Variants in LRMDA observed in about 807,000 individuals in gnomAD.
The protein encoded by LRMDA is leucine rich melanocyte differentiation associated.
Under a neutral mutation model 29.8 loss-of-function variants are expected in LRMDA, and 18 were observed. That is an observed-to-expected ratio of 0.60 (90% confidence interval 0.42 to 0.90). The LOEUF is 0.90. Ranked by LOEUF, LRMDA falls within the 40% of genes least tolerant of loss-of-function variation. The probability of loss-of-function intolerance (pLI) is 0.00; values close to 1 mark genes in which losing one functional copy is unlikely to be tolerated. For synonymous variants in LRMDA, 125 were observed against 109.4 expected (o/e 1.14, Z -0.89); for missense variants, 273 against 273.9 (o/e 1.00, Z 0.02).
intron 2 of LRMDA, among the ~76,000 whole-genome samples, chr10:75,988,661 C>T (rs150745261): frequency 1.2e-4 from 18 of 152,184 alleles, no homozygotes; most frequent in Non-Finnish European, 1.9e-4. Flanking sequence ...AGAGCAGCCA[C>T]GGAGTGCTCT....
chr10:76,165,919 C>A (rs1000639143), intron 5 of LRMDA, among the ~76,000 whole-genome samples: 1 of 152,154 alleles, frequency 6.6e-6, no homozygotes, highest in Non-Finnish European at 1.5e-5. Context: ...CAGTGGGTAT[C>A]GAGAGGCTAT....
chr10:75,569,474 G>A (rs1840411406), intron 2 of LRMDA, among the ~76,000 whole-genome samples: 1 of 152,150 alleles, frequency 6.6e-6, no homozygotes, highest in South Asian at 2.1e-4. Context: ...AAAAAATCAT[G>A]TTTCATTAAT....
intron 2 of LRMDA, among the ~76,000 whole-genome samples, chr10:75,613,010 C>T (rs1841051972): frequency 6.6e-6 from 1 of 152,106 alleles, no homozygotes. Context: ...TGTGGTTGAA[C>T]TTCTTCTTTA....
intron 2 of LRMDA, among the ~76,000 whole-genome samples, chr10:75,994,882 C>T (rs1847433610): frequency 1.3e-5 from 2 of 152,206 alleles, no homozygotes; most frequent in Admixed American, 1.3e-4. Context: ...CATAATTCTT[C>T]CTGCCACTCA....
intron 6 of LRMDA, among the ~76,000 whole-genome samples, chr10:76,375,721 GA>G (rs1365994275): frequency 2.0e-3 from 169 of 86,198 alleles, no homozygotes; most frequent in African/African-American, 6.1e-3. Context: ...GTTCCATGCT[GA>G]ATTTTTTTTT....
intron 2 of LRMDA, among the ~76,000 whole-genome samples, chr10:75,575,108 A>G (rs1013237088): frequency 2.0e-5 from 3 of 152,164 alleles, no homozygotes; most frequent in African/African-American, 7.2e-5. Flanking sequence ...ATCTCATGAG[A>G]ACTCACTATG....
At chr10:75,791,535 A>G (rs909310372) in intron 2 of LRMDA, among the ~76,000 whole-genome samples, 1 of 152,240 alleles carries the variant, frequency 6.6e-6, no homozygotes, top group African/African-American at 2.4e-5. Context: ...TAATTATGTG[A>G]GGGAGAAAAA....
intron 2 of LRMDA, among the ~76,000 whole-genome samples, chr10:75,537,676 T>C (rs1189247873): frequency 1.3e-5 from 2 of 152,196 alleles, no homozygotes; most frequent in African/African-American, 2.4e-5. Flanking sequence ...TTGGGTTGCT[T>C]GGGGGCCGGG....
At chr10:76,529,707 A>G (rs1011702592) in intron 6 of LRMDA, among the ~76,000 whole-genome samples, 1 of 152,174 alleles carries the variant, frequency 6.6e-6, no homozygotes, top group Non-Finnish European at 1.5e-5. Flanking sequence ...GGGCTCCTGA[A>G]TTCTACTCTG....
intron 5 of LRMDA, among the ~76,000 whole-genome samples, chr10:76,221,387 C>A (rs1174916736): frequency 6.6e-6 from 1 of 152,204 alleles, no homozygotes; most frequent in Non-Finnish European, 1.5e-5. Flanking sequence ...TGTCTCAGCC[C>A]AAAATCTACT....
chr10:76,234,539 A>G (rs1317645142), intron 5 of LRMDA, among the ~76,000 whole-genome samples: 1 of 152,202 alleles, frequency 6.6e-6, no homozygotes, highest in Admixed American at 6.5e-5. Flanking sequence ...CTAGCTATAA[A>G]AGCCCCAAAT....
chr10:75,937,112 C>A (rs1357238711), intron 2 of LRMDA, among the ~76,000 whole-genome samples: 2 of 152,088 alleles, frequency 1.3e-5, no homozygotes, highest in Non-Finnish European at 2.9e-5. Context: ...AAACCAGTTA[C>A]CAGTTCCAAG....
At position 75,988,825 on chromosome 10, in the gene LRMDA, G is replaced by C. The variant is rs137968374; in HGVS notation, c.132-47183G>C. ...GGCCCTGGCTCCCTCCATGCCAGTG[G>C]GTGCGGCCTGTCCTTGCAGCTCCTC... On this transcript the variant is annotated intron_variant, in intron 2 of 6. Coordinates refer to ENST00000611255, the MANE Select transcript of LRMDA (RefSeq NM_001305581.2). 2.0e-3 allele frequency among the ~76,000 whole-genome samples: 301 copies of C among 152,192 alleles called. 4 individuals are homozygous for C. In the East Asian group the frequency reaches 0.027, roughly 14 times the overall value.
chr10:75,480,871 G>T (rs1844848814), intron 2 of LRMDA, among the ~76,000 whole-genome samples: 2 of 152,156 alleles, frequency 1.3e-5, no homozygotes, highest in African/African-American at 4.8e-5. Flanking sequence ...TTTAGAGGTG[G>T]TTTTGATGGT....
intron 2 of LRMDA, among the ~76,000 whole-genome samples, chr10:75,455,538 G>A (rs1489606572): frequency 6.6e-6 from 1 of 152,210 alleles, no homozygotes; most frequent in Admixed American, 6.5e-5. Context: ...GGGGAACATA[G>A]CGACTCTGTC....
At chr10:76,003,848 T>G (rs1267730943) in intron 2 of LRMDA, among the ~76,000 whole-genome samples, 3 of 152,220 alleles carry the variant, frequency 2.0e-5, no homozygotes, top group Non-Finnish European at 2.9e-5. Context: ...AGAATACCTG[T>G]GCCTGCCAGT....
chr10:76,528,360 A>G (rs1452783481), intron 6 of LRMDA, among the ~76,000 whole-genome samples: 2 of 152,186 alleles, frequency 1.3e-5, no homozygotes, highest in Middle Eastern at 3.2e-3. Flanking sequence ...ATTTAATACG[A>G]TAGGCAAATA....
intron 5 of LRMDA, among the ~76,000 whole-genome samples, chr10:76,176,059 A>G (rs1850928382): frequency 6.6e-6 from 1 of 152,206 alleles, no homozygotes; most frequent in Admixed American, 6.5e-5. Context: ...AATTTCTTTC[A>G]GCACCTCCTA....
Position 76,392,930 on chromosome 10 carries a change from T to G in LRMDA, c.601+68445T>G, listed in dbSNP as rs186516238. Among the ~76,000 whole-genome samples, 1,021 of 152,222 alleles carry G rather than the reference T, an allele frequency of 6.7e-3. 12 individuals are homozygous for G. The highest frequency in any genetic ancestry group is 0.023 in the African/African-American group (968 of 41,544). ...TTTTAGGATCCACATATAAGTGAGA[T>G]CATGTGGTATTTGTCTTTCTTTGCC... On this transcript the variant is annotated intron_variant, in intron 6 of 6. Coordinates refer to ENST00000611255, the MANE Select transcript of LRMDA (RefSeq NM_001305581.2).
Sources: gnomAD v4.1 joint callset for allele counts (sites outside exome capture counted in the v4.1 genomes callset) on GRCh38, gnomAD v4.1.1 for gene constraint, MANE v1.5 for transcripts, NCBI Gene and HGNC (gene_info 2026-07-23, HGNC 2026-07-21) for gene names.